Variants in SEMA4D observed in about 807,000 individuals in gnomAD.
SEMA4D encodes the protein semaphorin-4D.
SEMA4D carries 22 observed loss-of-function variants against 74.8 expected under a neutral mutation model. That is an observed-to-expected ratio of 0.29 (90% CI 0.21 to 0.42). SEMA4D has a LOEUF of 0.42. Among genes scored for constraint, SEMA4D ranks in the 10% least tolerant of loss-of-function variants. The pLI is 1.00. For synonymous variants in SEMA4D, 445 were observed against 463.7 expected, an observed-to-expected ratio of 0.96 and a Z score of 0.52; for missense variants, 937 against 1,118.4, an observed-to-expected ratio of 0.84 and a Z score of 2.31.
chr9:89,481,645 C>A (rs1228324812), intron 1 of SEMA4D, among the ~76,000 whole-genome samples: 3 of 152,210 alleles, frequency 2.0e-5, no homozygotes, highest in Non-Finnish European at 4.4e-5. Flanking sequence ...GGTGGCAAGG[C>A]AAGAGAAGAA....
chr9:89,446,905 G>GC (rs1215948572), intron 2 of SEMA4D, among the ~76,000 whole-genome samples: 1 of 152,162 alleles, frequency 6.6e-6, no homozygotes, highest in African/African-American at 2.4e-5. Flanking sequence ...AGCTGGGCGT[G>GC]CCCCTGTGGG....
chr9:89,477,299 C>A (rs1862007052), intron 1 of SEMA4D, among the ~76,000 whole-genome samples: 1 of 152,054 alleles, frequency 6.6e-6, no homozygotes, highest in Non-Finnish European at 1.5e-5. Context: ...CACATACACA[C>A]ATGCATGCAC....
chr9:89,483,024 C>T lies in SEMA4D; in HGVS notation c.-310+14895G>A, dbSNP rs573279571. ...TCTCCCCGAAGGCTTGATTCCAGGTCCTGCAGCGACTGGTGTCTATTTTAA... is the reference window on the plus strand; with the variant it reads ...TCTCCCCGAAGGCTTGATTCCAGGTTCTGCAGCGACTGGTGTCTATTTTAA... On this transcript the variant is annotated intron_variant, in intron 1 of 15. Transcript: ENST00000422704. Among the ~76,000 whole-genome samples the T allele has an allele frequency of 3.3e-4, 50 of 152,328 alleles. No homozygotes were observed. The South Asian group carries it at 4.6e-3, about 14-fold the overall frequency.
chr9:89,391,754 A>G (rs1244565867), intron 8 of SEMA4D, among the ~76,000 whole-genome samples: 1 of 152,220 alleles, frequency 6.6e-6, no homozygotes, highest in Non-Finnish European at 1.5e-5. Flanking sequence ...TCAGAGACCT[A>G]CGTAAGGCAT....
At chr9:89,365,937 TCAA>T (rs1588069373) in intron 16 of SEMA4D, among the ~76,000 whole-genome samples, 1 of 152,340 alleles carries the variant, frequency 6.6e-6, no homozygotes, top group Admixed American at 6.5e-5. Context: ...GGTCTCTTGG[TCAA>T]CAATTCCCCA....
chr9:89,453,472 C>T (rs1164442366), intron 2 of SEMA4D, among the ~76,000 whole-genome samples: 1 of 152,268 alleles, frequency 6.6e-6, no homozygotes, highest in Non-Finnish European at 1.5e-5. Flanking sequence ...ACGCAGAGCC[C>T]TTTGCTGCCT....
chr9:89,394,916 T>C (rs974469374), intron 6 of SEMA4D, among the ~76,000 whole-genome samples: 13 of 152,132 alleles, frequency 8.5e-5, no homozygotes, highest in African/African-American at 3.1e-4. Flanking sequence ...CATAGGAAAA[T>C]GTTACTATTC....
chr9:89,387,258 A>G, intron 12 of SEMA4D, 128 bp downstream of exon 12: 1 of 765,798 alleles, frequency 1.3e-6, no homozygotes, highest in South Asian at 2.0e-5. Context: ...CGCTCCCACA[A>G]ACCTCCCAGG....
rs1839118261 is a variant in SEMA4D, at chr9:89,388,705, G to A, written c.1038C>T (p.Thr346=). ...VFSHGKYMQS[T]TVEQSHTKWV... is the part of the protein sequence containing the mutation. Reference sequence around the variant, plus strand: ...ACTTGGTGTGGGACTGCTCCACTGTGGTGCTCTGCATGTACTTCCCGTGGG... The same window carrying A: ...ACTTGGTGTGGGACTGCTCCACTGTAGTGCTCTGCATGTACTTCCCGTGGG... Residue 346 remains threonine (T), a synonymous_variant, in exon 11 of 16, where the codon ACC becomes ACT. Coordinates refer to ENST00000422704, the MANE Select transcript of SEMA4D (RefSeq NM_001371194.2). The A allele has an allele frequency of 6.2e-7, 1 of 1,610,326 alleles. No individual in the cohort carries two copies. Among genetic ancestry groups the A allele is most frequent in the Non-Finnish European group, 8.5e-7 (1 of 1,179,374 alleles).
chr9:89,458,857 C>A (rs551579216), intron 1 of SEMA4D, among the ~76,000 whole-genome samples: 2 of 150,904 alleles, frequency 1.3e-5, no homozygotes, highest in African/African-American at 4.8e-5. Flanking sequence ...CACATGGATA[C>A]ACATACACAC....
intron 2 of SEMA4D, 166 bp from the exon 3 acceptor site, chr9:89,405,865 C>T (rs764837513): frequency 8.5e-5 from 106 of 1,240,734 alleles, no homozygotes; most frequent in Admixed American, 3.2e-4. Context: ...GACAGCCCAA[C>T]GGACACAGGA....
At chr9:89,489,890 G>C (rs544846940) in intron 1 of SEMA4D, among the ~76,000 whole-genome samples, 2 of 152,296 alleles carry the variant, frequency 1.3e-5, no homozygotes, top group African/African-American at 4.8e-5. Context: ...AGGTCATATG[G>C]TAATTCTGTA....
intron 3 of SEMA4D, 46 bp downstream of exon 3, chr9:89,405,305 G>T (rs1361892340): frequency 6.5e-7 from 1 of 1,534,540 alleles, no homozygotes; most frequent in East Asian, 2.3e-5. Flanking sequence ...AGGCAGTGAG[G>T]TCCCCATCCC....
exon 19 of SEMA4D, chr9:89,362,235 T>C: frequency 8.4e-7 from 1 of 1,185,322 alleles, no homozygotes. Flanking sequence ...TTCTCCACTG[T>C]CCCGCCTCTG....
intron 1 of SEMA4D, among the ~76,000 whole-genome samples, chr9:89,470,257 A>T (rs1859831210): frequency 6.6e-6 from 1 of 152,254 alleles, no homozygotes; most frequent in South Asian, 2.1e-4. Flanking sequence ...ACTTGTATTT[A>T]GAATATATAA....
chr9:89,405,255 G>A (rs1843096705), intron 3 of SEMA4D, 96 bp downstream of exon 3: 9 of 1,012,044 alleles, frequency 8.9e-6, no homozygotes, highest in Middle Eastern at 2.1e-4. Flanking sequence ...CCAGGAAGTG[G>A]GGTCCCTGTC....
At chr9:89,396,465 C>G (rs1241474396) in intron 6 of SEMA4D, among the ~76,000 whole-genome samples, 1 of 152,220 alleles carries the variant, frequency 6.6e-6, no homozygotes, top group Non-Finnish European at 1.5e-5. Flanking sequence ...GCACTAGCAC[C>G]AAGGGCTCCC....
intron 1 of SEMA4D, among the ~76,000 whole-genome samples, chr9:89,473,001 T>G (rs1332519101): frequency 6.6e-6 from 1 of 151,496 alleles, no homozygotes; most frequent in African/African-American, 2.4e-5. Flanking sequence ...GAGGCTGAGG[T>G]GGGAGGATCA....
intron 4 of SEMA4D, among the ~76,000 whole-genome samples, chr9:89,401,061 T>C (rs1055625089): frequency 6.6e-6 from 1 of 152,152 alleles, no homozygotes; most frequent in Non-Finnish European, 1.5e-5. Context: ...AATACTTTGT[T>C]TTTGTTTTTT....
Sources: gnomAD v4.1 joint callset for allele counts (sites outside exome capture counted in the v4.1 genomes callset) on GRCh38, gnomAD v4.1.1 for gene constraint, MANE v1.5 for transcripts, NCBI Gene and HGNC (gene_info 2026-07-23, HGNC 2026-07-21) for gene names.